SLC8A1: variants seen among roughly 807,000 people sequenced by gnomAD.
SLC8A1 encodes solute carrier family 8 member A1.
In SLC8A1, 18 loss-of-function variants were observed where a neutral mutation model predicts 68.3. That is an observed-to-expected ratio of 0.26 (90% CI 0.18 to 0.39). SLC8A1 has a LOEUF of 0.39. SLC8A1 is among the 10% of genes least tolerant of loss of function. The probability of loss-of-function intolerance (pLI) is 1.00; values close to 1 mark genes in which losing one functional copy is unlikely to be tolerated. For missense variants in SLC8A1, 985 were observed against 1,156.7 expected (o/e 0.85, Z 2.15); for synonymous variants, 475 against 415.5 (o/e 1.14, Z -1.74).
Position 40,463,887 on chromosome 2 carries a change from C to CACACATAT in SLC8A1, c.-24-33584_-24-33583insATATGTGT, listed in dbSNP as rs796954298. 7.4e-5 allele frequency among the ~76,000 whole-genome samples: 8 copies of CACACATAT among 108,624 alleles called. No individual in the cohort carries two copies. The South Asian group carries it at 1.6e-3, about 21-fold the overall frequency. 71.3% of individuals were successfully genotyped at this position (108,624 alleles called of 152,430 possible). A position where few individuals can be genotyped will look rare whatever the true frequency, so the allele number is the denominator to read the frequency against. On this transcript the variant is annotated intron_variant, in intron 1 of 7. Coordinates refer to the SLC8A1 transcript ENST00000402441. Reference sequence around the variant, plus strand: ...ACACACACACACACACACACACACACATATATATATAGAGAGAGAGACAGA... The same window carrying CACACATAT: ...ACACACACACACACACACACACACACACACATATATATATATATAGAGAGAGAGACAGA...
chr2:40,193,182 A>G (rs566387647), intron 2 of SLC8A1, among the ~76,000 whole-genome samples: 88 of 152,266 alleles, frequency 5.8e-4, no homozygotes, highest in African/African-American at 2.0e-3. Context: ...TCTCACCATG[A>G]CAGTAAGCAA....
intron 2 of SLC8A1, among the ~76,000 whole-genome samples, chr2:40,236,707 A>G (rs1429308547): frequency 2.6e-5 from 4 of 152,150 alleles, no homozygotes; most frequent in Non-Finnish European, 2.9e-5. Flanking sequence ...AATGGTCTTT[A>G]CAATTTGGCA....
intron 1 of SLC8A1, among the ~76,000 whole-genome samples, chr2:40,432,456 G>C (rs1003221431): frequency 8.1e-6 from 1 of 123,216 alleles, no homozygotes; most frequent in Non-Finnish European, 1.8e-5. Context: ...TGGGATGCAT[G>C]ATTTCATACT....
At chr2:40,461,792 G>C (rs781131213) in intron 1 of SLC8A1, among the ~76,000 whole-genome samples, 3 of 151,992 alleles carry the variant, frequency 2.0e-5, no homozygotes, top group Non-Finnish European at 2.9e-5. Context: ...CAAGTCCAAA[G>C]ATAAAATAAA....
At chr2:40,344,292 T>C (rs1167294677) in intron 2 of SLC8A1, among the ~76,000 whole-genome samples, 2 of 152,212 alleles carry the variant, frequency 1.3e-5, no homozygotes, top group African/African-American at 2.4e-5. Context: ...ACTATTTGCC[T>C]GGGATTTTTT....
At chr2:40,368,830 C>T (rs1375637389) in intron 2 of SLC8A1, among the ~76,000 whole-genome samples, 1 of 151,900 alleles carries the variant, frequency 6.6e-6, no homozygotes, top group African/African-American at 2.4e-5. Context: ...GGTACTGGTA[C>T]AAAAATAGAC....
chr2:40,405,158 T>C (rs139555253), intron 2 of SLC8A1, among the ~76,000 whole-genome samples: 1 of 152,284 alleles, frequency 6.6e-6, no homozygotes, highest in East Asian at 1.9e-4. Flanking sequence ...AACATACTTC[T>C]TAATTCCCAT....
chr2:40,294,804 C>T (rs150513065), intron 2 of SLC8A1, among the ~76,000 whole-genome samples: 14 of 152,092 alleles, frequency 9.2e-5, no homozygotes, highest in East Asian at 7.7e-4. Context: ...AAAGGTATAG[C>T]GCTTACTGTT....
At chr2:40,313,471 T>TA (rs1301016381) in intron 2 of SLC8A1, among the ~76,000 whole-genome samples, 1 of 152,008 alleles carries the variant, frequency 6.6e-6, no homozygotes, top group African/African-American at 2.4e-5. Context: ...GTTTAACTTT[T>TA]AAAAAAACGG....
At chr2:40,284,836 A>C (rs1158214674) in intron 2 of SLC8A1, among the ~76,000 whole-genome samples, 1 of 152,042 alleles carries the variant, frequency 6.6e-6, no homozygotes, top group Non-Finnish European at 1.5e-5. Context: ...TGAGCAGTAG[A>C]GGATGCTGTA....
exon 2 of SLC8A1, chr2:40,429,782 C>T (rs1697829650): frequency 2.5e-6 from 4 of 1,613,752 alleles, no homozygotes; most frequent in Non-Finnish European, 3.4e-6. Context: ...GTGCTAGGAC[C>T]GAGGTCTCCT....
intron 2 of SLC8A1, among the ~76,000 whole-genome samples, chr2:40,380,073 T>G (rs1575867075): frequency 6.6e-6 from 1 of 152,266 alleles, no homozygotes; most frequent in East Asian, 1.9e-4. Context: ...ATGGAAAATT[T>G]TGGCTTACTA....
chr2:40,243,300 T>A (rs1239967900), intron 2 of SLC8A1, among the ~76,000 whole-genome samples: 1 of 152,026 alleles, frequency 6.6e-6, no homozygotes, highest in African/African-American at 2.4e-5. Context: ...CTGGGCAACA[T>A]GATAAAACCC....
chr2:40,340,887 A>G (rs1667476311), intron 2 of SLC8A1, among the ~76,000 whole-genome samples: 1 of 152,170 alleles, frequency 6.6e-6, no homozygotes, highest in Admixed American at 6.6e-5. Flanking sequence ...CTCTACCCAA[A>G]TACACTGGAG....
chr2:40,480,219 C>T (rs1453856370), intron 1 of SLC8A1, among the ~76,000 whole-genome samples: 1 of 152,216 alleles, frequency 6.6e-6, no homozygotes, highest in Admixed American at 6.5e-5. Flanking sequence ...CAAATGTGAA[C>T]TACTTATTGC....
At chr2:40,510,050 T>C (rs1706620122) in intron 1 of SLC8A1, among the ~76,000 whole-genome samples, 1 of 152,120 alleles carries the variant, frequency 6.6e-6, no homozygotes, top group Admixed American at 6.5e-5. Context: ...AGGGTCTCGA[T>C]CTCTTGACCT....
At chr2:40,392,301 C>G (rs905906323) in intron 2 of SLC8A1, among the ~76,000 whole-genome samples, 1 of 151,996 alleles carries the variant, frequency 6.6e-6, no homozygotes, top group Admixed American at 6.6e-5. Flanking sequence ...TTTATCATCA[C>G]ATTTAAATAA....
rs568425775 is a variant in SLC8A1, at chr2:40,209,636, G to A, written c.1809-31781C>T. The stretch of plus-strand genomic sequence containing the variant: ...TACCAGGGAGGCTACTGTGGTTCCC[G>A]GCAAAGGATGATGGTGCCTCAGGAC... On this transcript the variant is annotated intron_variant, in intron 2 of 7. Coordinates refer to ENST00000406785, the Ensembl canonical transcript of SLC8A1. 2.0e-4 allele frequency among the ~76,000 whole-genome samples: 31 copies of A among 152,248 alleles called. No individual in the cohort carries two copies. In the East Asian group the frequency reaches 5.2e-3, roughly 26 times the overall value.
intron 2 of SLC8A1, among the ~76,000 whole-genome samples, chr2:40,227,585 A>G (rs1031686146): frequency 6.6e-6 from 1 of 152,064 alleles, no homozygotes; most frequent in East Asian, 1.9e-4. Context: ...GAGGGAGAGC[A>G]TCAGGAAAAA....
Sources: gnomAD v4.1 joint callset for allele counts (sites outside exome capture counted in the v4.1 genomes callset) on GRCh38, gnomAD v4.1.1 for gene constraint, MANE v1.5 for transcripts, NCBI Gene and HGNC (gene_info 2026-07-23, HGNC 2026-07-21) for gene names.